SATL1: variants seen among roughly 807,000 people sequenced by gnomAD.
SATL1 encodes spermidine/spermine N1-acetyl transferase like 1.
In SATL1, 47 loss-of-function variants were observed where a neutral mutation model predicts 51.8. The observed-to-expected ratio is 0.91, with a 90% CI of 0.72 to 1.16. SATL1 has a LOEUF of 1.16. Among genes scored for constraint, SATL1 ranks in the 50% most tolerant of loss-of-function variants. The pLI, the probability that SATL1 is intolerant of heterozygous loss-of-function variation, is 0.00. For missense variants in SATL1, 520 were observed against 526.4 expected (o/e 0.99, Z 0.12); for synonymous variants, 176 against 182.4 (o/e 0.97, Z 0.28).
intron 2 of SATL1, among the ~76,000 whole-genome samples, chrX:85,193,208 G>A (rs1927478555): frequency 8.9e-6 from 1 of 111,784 alleles, no homozygotes; most frequent in Non-Finnish European, 1.9e-5. Flanking sequence ...TTATATCACA[G>A]TACTCAAACT....
intron 2 of SATL1, among the ~76,000 whole-genome samples, chrX:85,143,814 TTG>T (rs1926166366): frequency 8.9e-6 from 1 of 111,803 alleles, no homozygotes; most frequent in Admixed American, 9.6e-5. Context: ...ATATTAGTAA[TTG>T]TTTTAGGCTA....
chrX:85,220,174 T>C (rs1253139329), intron 2 of SATL1, among the ~76,000 whole-genome samples: 1 of 109,834 alleles, frequency 9.1e-6, no homozygotes, highest in Non-Finnish European at 1.9e-5. Context: ...AGAATAAAAC[T>C]CAGCTGACAC....
At chrX:85,168,147 G>A (rs1426790412) in intron 2 of SATL1, among the ~76,000 whole-genome samples, 1 of 110,788 alleles carries the variant, frequency 9.0e-6, no homozygotes, top group African/African-American at 3.3e-5. Flanking sequence ...AATAATAAGA[G>A]CCATATGTAA....
intron 2 of SATL1, among the ~76,000 whole-genome samples, chrX:85,126,779 C>A (rs948643137): frequency 1.4e-4 from 15 of 110,562 alleles, no homozygotes; most frequent in Non-Finnish European, 2.8e-4. Context: ...AGGACTTGAA[C>A]CAGCCTCCAG....
intron 4 of SATL1, among the ~76,000 whole-genome samples, chrX:85,096,023 A>C (rs1401364690): frequency 1.8e-5 from 2 of 110,363 alleles, no homozygotes; most frequent in Non-Finnish European, 3.8e-5. Flanking sequence ...GCTTTCAACA[A>C]AAATCACAAG....
At chrX:85,129,458 G>T (rs765416946) in intron 2 of SATL1, among the ~76,000 whole-genome samples, 21 of 111,351 alleles carry the variant, frequency 1.9e-4, no homozygotes, top group African/African-American at 6.2e-4. Flanking sequence ...GTCTGTTATT[G>T]GTGTATAAGA....
At chrX:85,195,822 A>G (rs1199846734) in intron 2 of SATL1, among the ~76,000 whole-genome samples, 2 of 110,071 alleles carry the variant, frequency 1.8e-5, no homozygotes, top group Non-Finnish European at 3.8e-5. Flanking sequence ...TAATAATAAT[A>G]TTAGTAATAA....
At chrX:85,145,270 T>G (rs778066939) in intron 2 of SATL1, among the ~76,000 whole-genome samples, 4 of 111,435 alleles carry the variant, frequency 3.6e-5, no homozygotes, top group African/African-American at 1.3e-4. Context: ...GTACTGTGCA[T>G]CTTGTCAAAT....
intron 2 of SATL1, among the ~76,000 whole-genome samples, chrX:85,192,585 T>TA (rs1267112815): frequency 9.0e-6 from 1 of 111,427 alleles, no homozygotes; most frequent in Non-Finnish European, 1.9e-5. Context: ...AAGCTTACAT[T>TA]AAAAAAACAC....
intron 2 of SATL1, among the ~76,000 whole-genome samples, chrX:85,147,434 T>C (rs6524423): frequency 0.036 from 4,012 of 112,654 alleles, 123 homozygotes; most frequent in African/African-American, 0.13. Context: ...TCTGCAGACT[T>C]AAATGTCCCT....
At chrX:85,212,793 T>TCAA (rs1268054953) in intron 2 of SATL1, 4 of 111,396 alleles carry the variant, frequency 3.6e-5, no homozygotes, top group African/African-American at 1.3e-4. Context: ...CAAGCATTTA[T>TCAA]CAACCACGCA....
At position 85,107,852 on chromosome X, in the gene SATL1, G is replaced by A; in HGVS notation, c.1117C>T (p.Gln373Ter). The A allele has an allele frequency of 8.3e-6, 10 of 1,211,748 alleles. No homozygotes were observed. The highest frequency in any genetic ancestry group is 1.0e-5 in the Non-Finnish European group (9 of 895,568). Reference protein sequence around the residue: ...QSSTSQAGTNQSGISQPVMWQ... With the variant: ...QSSTSQAGTN The stretch of plus-strand genomic sequence containing the variant: ...ATCACTGGTTGGCTTATACCTGATT[G>A]GTTTGTGCCTGCTTGGCTCGTGCTT... The change falls in exon 3 of 8, where the codon CAA becomes TAA. Residue 373 changes from glutamine to a stop codon, truncating the protein, a stop_gained. Transcript: ENST00000644105. LOFTEE classifies it high-confidence loss of function.
In SATL1 at chrX:85,117,900, G is replaced by C. The variant is rs371674417; in HGVS notation, c.-312-8620C>G. Among the ~76,000 whole-genome samples, 11 of 109,454 alleles carry C rather than the reference G, an allele frequency of 1.0e-4. No individual in the cohort carries two copies. The East Asian group carries it at 2.0e-3, about 20-fold the overall frequency. On this transcript the variant is annotated intron_variant, in intron 2 of 7. Transcript: ENST00000644105. Reference sequence around the variant, plus strand: ...ATCATCAGCAAATTTTCAATTAAGGGAAAATCTCTCTCTTTGTTTTTGCTG... The same window carrying C: ...ATCATCAGCAAATTTTCAATTAAGGCAAAATCTCTCTCTTTGTTTTTGCTG...
intron 6 of SATL1, 123 bp from the exon 7 acceptor site, chrX:85,093,348 G>T: frequency 1.5e-6 from 1 of 655,975 alleles, no homozygotes; most frequent in South Asian, 3.4e-5. Flanking sequence ...AATAGCTTCT[G>T]GAAACACAAC....
At chrX:85,149,617 T>G (rs1347110940) in intron 2 of SATL1, among the ~76,000 whole-genome samples, 1 of 111,760 alleles carries the variant, frequency 8.9e-6, no homozygotes, top group Non-Finnish European at 1.9e-5. Context: ...AAACTGTCTC[T>G]CAGACCACAG....
At chrX:85,112,466 T>G (rs1385658972) in intron 2 of SATL1, among the ~76,000 whole-genome samples, 1 of 111,478 alleles carries the variant, frequency 9.0e-6, no homozygotes, top group Non-Finnish European at 1.9e-5. Context: ...GGTCTATATA[T>G]GTTGACTTAC....
At chrX:85,147,310 C>T (rs1351126154) in intron 2 of SATL1, among the ~76,000 whole-genome samples, 4 of 112,475 alleles carry the variant, frequency 3.6e-5, no homozygotes, top group South Asian at 7.3e-4. Context: ...GTAAACAAAG[C>T]AGCTGGGAAG....
In SATL1 at chrX:85,118,061, G is replaced by A. The variant is rs867796193; in HGVS notation, c.-312-8781C>T. Among the ~76,000 whole-genome samples, 3 of 67,809 alleles carry A rather than the reference G, an allele frequency of 4.4e-5. No individual in the cohort carries two copies. The South Asian group carries it at 2.4e-3, about 54-fold the overall frequency. The allele number at this position is 67,809 out of a possible 115,157, so 58.9% of individuals were successfully genotyped here. On this transcript the variant is annotated intron_variant, in intron 2 of 7. Coordinates refer to ENST00000644105, the MANE Select transcript of SATL1 (RefSeq NM_001367857.2). ...TGGGATAGGGGCTGATAATGAAACT[G>A]TTTTGCAAATAAAAAAAGAACTTAG...
intron 6 of SATL1, 101 bp downstream of exon 6, chrX:85,094,027 T>C: frequency 2.3e-6 from 1 of 435,016 alleles, no homozygotes; most frequent in Non-Finnish European, 4.1e-6. Context: ...ATAAGTTACA[T>C]TAACTAAAAC....
Sources: allele counts gnomAD v4.1 joint callset (sites outside exome capture counted in the v4.1 genomes callset), GRCh38; gene constraint gnomAD v4.1.1; transcripts MANE v1.5; gene names NCBI Gene and HGNC (gene_info 2026-07-23, HGNC 2026-07-21).